The following FNDC3B variants were observed in gnomAD, a reference collection of about 807,000 sequenced individuals.
FNDC3B encodes fibronectin type III domain containing 3B.
In FNDC3B, 12 loss-of-function variants were observed where a neutral mutation model predicts 151.5. The ratio of observed to expected loss-of-function variants is 0.08; its 90% CI spans 0.05 to 0.13. FNDC3B has a LOEUF of 0.13. Among genes scored for constraint, FNDC3B ranks in the 10% least tolerant of loss-of-function variants. The pLI is 1.00. For missense variants in FNDC3B, 1,214 were observed against 1,505.3 expected (o/e 0.81, Z 3.20); for synonymous variants, 528 against 549.0 (o/e 0.96, Z 0.54).
chr3:172,295,388 T>C lies in FNDC3B; in HGVS notation c.875T>C (p.Val292Ala), dbSNP rs1730551459. ...PQVSNIQARA[V>A]VLSWAPPVGL... ...GTTTCTAATATTCAGGCAAGAGCAG[T>C]TGTGTTGTCCTGGGCTCCCCCTGTT... The change falls in exon 8 of 26, where the codon GTT becomes GCT. Residue 292 changes from valine (V) to alanine (A), a missense_variant. Val to Ala is a moderately conservative substitution (Grantham distance 64). This residue lies in a region of FNDC3B where 156 missense variants were observed against 225.3 expected (regional missense o/e 0.69). Transcript: ENST00000415807. 3 of 1,613,494 alleles carry C rather than the reference T, an allele frequency of 1.9e-6. No homozygotes were observed. Among genetic ancestry groups the C allele is most frequent in the African/African-American group, 2.7e-5 (2 of 75,016 alleles).
At chr3:172,262,968 G>C (rs1223455274) in intron 6 of FNDC3B, among the ~76,000 whole-genome samples, 1 of 148,960 alleles carries the variant, frequency 6.7e-6, no homozygotes, top group Non-Finnish European at 1.5e-5. Flanking sequence ...CTTTATTGCT[G>C]GGTTAGTATG....
At chr3:172,049,426 A>G (rs767942446) in intron 1 of FNDC3B, among the ~76,000 whole-genome samples, 1 of 152,240 alleles carries the variant, frequency 6.6e-6, no homozygotes, top group Non-Finnish European at 1.5e-5. Context: ...CCATGTAAGC[A>G]CATGAAGATA....
At chr3:172,108,725 T>C (rs1719805663) in intron 1 of FNDC3B, among the ~76,000 whole-genome samples, 1 of 152,270 alleles carries the variant, frequency 6.6e-6, no homozygotes, top group Non-Finnish European at 1.5e-5. Context: ...TCTGTGACTT[T>C]CTACTGGGAA....
chr3:172,200,409 T>G (rs1050815655), intron 3 of FNDC3B, among the ~76,000 whole-genome samples: 3 of 152,230 alleles, frequency 2.0e-5, no homozygotes, highest in Admixed American at 6.5e-5. Context: ...ATGGTTAGAC[T>G]TGTGATTTTT....
intron 6 of FNDC3B, among the ~76,000 whole-genome samples, chr3:172,257,729 G>GCAGCCA (rs1728429830): frequency 6.6e-6 from 1 of 152,156 alleles, no homozygotes; most frequent in East Asian, 1.9e-4. Context: ...GGCTACTCAT[G>GCAGCCA]GGCTCAGACC....
At chr3:172,195,403 T>C (rs1399102586) in intron 3 of FNDC3B, among the ~76,000 whole-genome samples, 1 of 152,252 alleles carries the variant, frequency 6.6e-6, no homozygotes, top group Non-Finnish European at 1.5e-5. Context: ...TAGCATTTTT[T>C]AAAATGCACC....
Position 172,310,896 on chromosome 3 carries a change from A to G in FNDC3B, c.1254+15A>G. 2 of 1,587,178 alleles carry G rather than the reference A, an allele frequency of 1.3e-6. 1 individual carries two copies. Among genetic ancestry groups the G allele is most frequent in the South Asian group, 2.2e-5 (2 of 90,524 alleles). On this transcript the variant is annotated intron_variant, in intron 11 of 25. Transcript: ENST00000415807. ...AGTGGGATGAGGTAAGCTTATTTTC[A>G]TATTCACCCATCTAAAACACCATTT...
chr3:172,349,846 G>A (rs1733778570), intron 21 of FNDC3B, among the ~76,000 whole-genome samples: 1 of 151,930 alleles, frequency 6.6e-6, no homozygotes, highest in African/African-American at 2.4e-5. Context: ...AGTAGAGATG[G>A]GGTTTCACCA....
intron 1 of FNDC3B, among the ~76,000 whole-genome samples, chr3:172,085,246 A>G (rs767209503): frequency 1.4e-4 from 22 of 152,204 alleles, no homozygotes; most frequent in Non-Finnish European, 1.5e-4. Context: ...AGAGTGTTTT[A>G]AAAACTTTGC....
intron 13 of FNDC3B, among the ~76,000 whole-genome samples, chr3:172,331,335 T>C (rs1378021941): frequency 1.3e-5 from 2 of 152,138 alleles, no homozygotes; most frequent in Admixed American, 6.5e-5. Context: ...ACTGTAGTCT[T>C]ATTAGCCTCT....
chr3:172,094,352 T>G (rs1043091174), intron 1 of FNDC3B, among the ~76,000 whole-genome samples: 2 of 152,242 alleles, frequency 1.3e-5, no homozygotes, highest in Non-Finnish European at 2.9e-5. Flanking sequence ...CCAGTCTACT[T>G]TCTGTCTACA....
At chr3:172,133,232 A>G (rs1227904811) in intron 2 of FNDC3B, among the ~76,000 whole-genome samples, 3 of 152,218 alleles carry the variant, frequency 2.0e-5, no homozygotes, top group African/African-American at 4.8e-5. Flanking sequence ...TTTTCTTCAA[A>G]TGGAGTTTTT....
At chr3:172,263,539 T>A in intron 6 of FNDC3B, among the ~76,000 whole-genome samples, 1 of 151,864 alleles carries the variant, frequency 6.6e-6, no homozygotes, top group East Asian at 1.9e-4. Context: ...GATGTGTTAC[T>A]TAAGTGAAAA....
chr3:172,092,792 G>A (rs1483860128), intron 1 of FNDC3B, among the ~76,000 whole-genome samples: 1 of 152,148 alleles, frequency 6.6e-6, no homozygotes, highest in East Asian at 1.9e-4. Flanking sequence ...GTAGGGCAGA[G>A]TAGGAAATAC....
In FNDC3B at chr3:172,184,537, C is replaced by G. The variant is rs150032600; in HGVS notation, c.188-42334C>G. The stretch of plus-strand genomic sequence containing the variant: ...AATCAGTCCTAAAAACAGACAAAAA[C>G]CCCCTCAAATCCAGGACCTATCAAG... On this transcript the variant is annotated intron_variant, in intron 3 of 25. Coordinates refer to ENST00000415807, the MANE Select transcript of FNDC3B (RefSeq NM_022763.4). 1.6e-4 allele frequency among the ~76,000 whole-genome samples: 25 copies of G among 152,216 alleles called. No individual in the cohort carries two copies. The East Asian group carries it at 3.9e-3, about 23-fold the overall frequency.
intron 7 of FNDC3B, among the ~76,000 whole-genome samples, chr3:172,288,948 C>A (rs112599575): frequency 6.6e-6 from 1 of 152,160 alleles, no homozygotes; most frequent in Non-Finnish European, 1.5e-5. Flanking sequence ...CATGCTTGTT[C>A]GTGCCTCCTG....
intron 1 of FNDC3B, among the ~76,000 whole-genome samples, chr3:172,091,873 G>GGGGTGTGTGT (rs1553760105): frequency 9.0e-4 from 112 of 124,818 alleles, no homozygotes; most frequent in Middle Eastern, 8.5e-3. Context: ...ACTTTACTGG[G>GGGGTGTGTGT]GTGTGTGTGT....
At chr3:172,120,432 G>C (rs1720475075) in intron 2 of FNDC3B, among the ~76,000 whole-genome samples, 1 of 152,076 alleles carries the variant, frequency 6.6e-6, no homozygotes, top group African/African-American at 2.4e-5. Context: ...TCCCTCTCTT[G>C]TTCATGCTGT....
At chr3:172,315,604 C>T (rs905143439) in intron 11 of FNDC3B, among the ~76,000 whole-genome samples, 1 of 152,082 alleles carries the variant, frequency 6.6e-6, no homozygotes, top group South Asian at 2.1e-4. Context: ...CAGGAGACAC[C>T]CCATTAGGAG....
Sources: allele counts gnomAD v4.1 joint callset (sites outside exome capture counted in the v4.1 genomes callset), GRCh38; gene constraint gnomAD v4.1.1; regional missense constraint gnomAD v4.1.1; transcripts MANE v1.5; gene names NCBI Gene and HGNC (gene_info 2026-07-23, HGNC 2026-07-21).